Variants in CDH3 observed in about 807,000 individuals in gnomAD.
CDH3 encodes the protein cadherin-3.
In CDH3, 54 loss-of-function variants were observed where a neutral mutation model predicts 82.0. The ratio of observed to expected loss-of-function variants is 0.66; its 90% CI spans 0.53 to 0.83. The LOEUF (loss-of-function observed/expected upper bound fraction) is 0.83, where lower values mean the gene tolerates loss of function less well. Ranked by LOEUF, CDH3 falls within the 40% of genes least tolerant of loss-of-function variation. CDH3 has a pLI of 0.00. For missense variants in CDH3, 1,054 were observed against 1,084.6 expected (o/e 0.97, Z 0.40); for synonymous variants, 446 against 437.9 (o/e 1.02, Z -0.23).
intron 1 of CDH3, among the ~76,000 whole-genome samples, chr16:68,712,037 C>CTTTTTTT (rs58452743): frequency 7.5e-5 from 9 of 119,412 alleles, no homozygotes; most frequent in Non-Finnish European, 1.2e-4. Flanking sequence ...TTTTTGTTTT[C>CTTTTTTT]TTTTTTTTTT....
downstream of CDH3, among the ~76,000 whole-genome samples, chr16:68,730,139 A>G (rs1254061930): frequency 6.6e-6 from 1 of 151,914 alleles, no homozygotes; most frequent in East Asian, 1.9e-4. Context: ...AGGCTGAGGC[A>G]GGAGGAACGC....
At chr16:68,686,795 A>G (rs573535456) in intron 11 of CDH3, 1 of 528,090 alleles carries the variant, frequency 1.9e-6, no homozygotes, top group East Asian at 3.4e-5. Context: ...TAATAAACTA[A>G]TGATAACTAA....
In CDH3 at chr16:68,695,935, C is replaced by A; in HGVS notation, c.2280+12C>A. 1 of 1,613,826 alleles carries A rather than the reference C, an allele frequency of 6.2e-7. No homozygotes were observed. The highest frequency in any genetic ancestry group is 8.5e-7 in the Non-Finnish European group (1 of 1,179,972). ...ACTTTATAATTGAGGTGAGGCGTGGCAGGCCAGTCGAGGGCCACCCTTTAT... is the reference window on the plus strand; with the variant it reads ...ACTTTATAATTGAGGTGAGGCGTGGAAGGCCAGTCGAGGGCCACCCTTTAT... On this transcript the variant is annotated intron_variant, in intron 15 of 15. Transcript: ENST00000264012.
chr16:68,731,046 A>T (rs1962279137), downstream of CDH3, among the ~76,000 whole-genome samples: 1 of 23,582 alleles, frequency 4.2e-5, no homozygotes, highest in Non-Finnish European at 9.9e-5. Flanking sequence ...AAAAAAAAAA[A>T]AATATATATA....
intron 6 of CDH3, 40 bp downstream of exon 6, chr16:68,678,946 C>T (rs772229250): frequency 6.2e-7 from 1 of 1,605,536 alleles, no homozygotes. Context: ...GGGCTGGGCC[C>T]ACACCCTTAA....
chr16:68,681,200 C>T, intron 8 of CDH3, 104 bp downstream of exon 8: 1 of 1,266,938 alleles, frequency 7.9e-7, no homozygotes, highest in Non-Finnish European at 1.1e-6. Flanking sequence ...ATGCCAGTCT[C>T]AGCACTATGG....
intron 2 of CDH3, among the ~76,000 whole-genome samples, chr16:68,662,303 G>T (rs1567440898): frequency 6.6e-6 from 1 of 152,252 alleles, no homozygotes; most frequent in East Asian, 1.9e-4. Context: ...ACATTAAAGA[G>T]TTTGTTTTTT....
At chr16:68,655,857 C>A (rs1339414703) in intron 2 of CDH3, among the ~76,000 whole-genome samples, 1 of 151,772 alleles carries the variant, frequency 6.6e-6, no homozygotes, top group Non-Finnish European at 1.5e-5. Flanking sequence ...AGCGAGACGC[C>A]GTCTCAAAAA....
In CDH3 at chr16:68,707,000, G is replaced by A. The variant is rs548496580; in HGVS notation, c.99+11077G>A. 2.6e-5 allele frequency among the ~76,000 whole-genome samples: 4 copies of A among 152,286 alleles called. 1 individual carries two copies. Among genetic ancestry groups the A allele is most frequent in the South Asian group, 2.1e-4 (1 of 4,826 alleles). On this transcript the variant is annotated intron_variant, in intron 1 of 2. Coordinates refer to the CDH3 transcript ENST00000569080. ...ACGTGGTCTAGTAAAAGTGAAGCAT[G>A]GAGGAAAATGGAGCTGGGATGGGGC...
downstream of CDH3, among the ~76,000 whole-genome samples, chr16:68,705,020 C>T (rs1961943241): frequency 6.6e-6 from 1 of 152,126 alleles, no homozygotes; most frequent in Admixed American, 6.6e-5. Flanking sequence ...CGTGATTACA[C>T]CACTGCACTC....
chr16:68,696,096 T>C, intron 15 of CDH3, 173 bp downstream of exon 15: 1 of 726,542 alleles, frequency 1.4e-6, no homozygotes, highest in East Asian at 2.7e-5. Flanking sequence ...TGTTTCTTCC[T>C]CCATAGAACT....
chr16:68,654,702 C>CAAAAAA (rs199604730), intron 2 of CDH3, among the ~76,000 whole-genome samples: 4 of 124,280 alleles, frequency 3.2e-5, no homozygotes, highest in African/African-American at 1.3e-4. Context: ...GACTCTGTCT[C>CAAAAAA]AAAAAAAAAA....
chr16:68,696,013 G>T, intron 15 of CDH3, 90 bp downstream of exon 15: 3 of 1,428,562 alleles, frequency 2.1e-6, no homozygotes, highest in Middle Eastern at 3.5e-4. Context: ...GGAGTCTTGG[G>T]TCTGGGTTCA....
intron 2 of CDH3, chr16:68,651,752 C>A: frequency 2.0e-6 from 1 of 503,970 alleles, no homozygotes; most frequent in Non-Finnish European, 4.0e-6. Context: ...CTGAGCCTGG[C>A]TGCAGCTCGT....
In CDH3 at chr16:68,676,478, A is replaced by C; in HGVS notation, c.246+8A>C. The C allele has an allele frequency of 6.3e-7, 1 of 1,593,074 alleles. No individual in the cohort carries two copies. The highest frequency in any genetic ancestry group is 8.6e-7 in the Non-Finnish European group (1 of 1,160,740). On this transcript the variant is annotated splice_region_variant and intron_variant, in intron 3 of 15. Transcript: ENST00000264012. ...AATGGCGAGACAGTCCAGGTAAAAT[A>C]CCATGTCCACCTGCAGGACAAAAGA...
At chr16:68,720,538 GCCAGGCTA>G (rs1196799798) in intron 1 of CDH3, among the ~76,000 whole-genome samples, 2 of 152,040 alleles carry the variant, frequency 1.3e-5, no homozygotes, top group Non-Finnish European at 2.9e-5. Context: ...CTGAGTCACT[GCCAGGCTA>G]CCCATACATG....
intron 2 of CDH3, among the ~76,000 whole-genome samples, chr16:68,653,014 G>C (rs1486525206): frequency 1.3e-5 from 2 of 151,952 alleles, no homozygotes; most frequent in African/African-American, 4.8e-5. Context: ...TATACACCTG[G>C]GGCACAATTG....
chr16:68,714,879 C>A (rs561062694), intron 1 of CDH3, among the ~76,000 whole-genome samples: 3 of 152,014 alleles, frequency 2.0e-5, no homozygotes, highest in African/African-American at 7.3e-5. Flanking sequence ...CATGGTGGCC[C>A]GTGTCTGTAG....
At chr16:68,678,717 G>A (rs576611511) in intron 5 of CDH3, 45 bp from the exon 6 acceptor site, 1 of 1,614,196 alleles carries the variant, frequency 6.2e-7, no homozygotes, top group African/African-American at 1.3e-5. Context: ...TAGGCCTGGT[G>A]AGGTGGGTGG....
Sources: allele counts gnomAD v4.1 joint callset (sites outside exome capture counted in the v4.1 genomes callset), GRCh38; gene constraint gnomAD v4.1.1; transcripts MANE v1.5; gene names NCBI Gene and HGNC (gene_info 2026-07-23, HGNC 2026-07-21).